Variants in KCND2 observed in about 807,000 individuals in gnomAD.
KCND2 encodes A-type voltage-gated potassium channel KCND2.
In KCND2, 16 loss-of-function variants were observed where a neutral mutation model predicts 54.4. The observed-to-expected ratio is 0.29, with a 90% confidence interval of 0.20 to 0.45. KCND2 has a LOEUF of 0.45. Ranked by LOEUF, KCND2 falls within the 20% of genes least tolerant of loss-of-function variation. KCND2 has a pLI of 1.00. For synonymous variants in KCND2, 317 were observed against 310.7 expected, an observed-to-expected ratio of 1.02 and a Z score of -0.21; for missense variants, 486 against 824.2, an observed-to-expected ratio of 0.59 and a Z score of 5.02.
intron 1 of KCND2, among the ~76,000 whole-genome samples, chr7:120,721,552 G>A (rs1478588221): frequency 6.6e-6 from 1 of 152,104 alleles, no homozygotes; most frequent in African/African-American, 2.4e-5. Context: ...AAACTTTCTA[G>A]GTTAAATTGA....
At chr7:120,719,258 G>A (rs1043069334) in intron 1 of KCND2, among the ~76,000 whole-genome samples, 5 of 152,082 alleles carry the variant, frequency 3.3e-5, no homozygotes, top group Non-Finnish European at 5.9e-5. Flanking sequence ...AATGTTTCAA[G>A]GAATGTACTT....
chr7:120,538,756 T>C (rs752872302), intron 1 of KCND2, among the ~76,000 whole-genome samples: 1 of 152,042 alleles, frequency 6.6e-6, no homozygotes, highest in East Asian at 1.9e-4. Context: ...CCAAACCCCA[T>C]GGGCAGGAGG....
At chr7:120,377,537 G>A (rs770256041) in intron 1 of KCND2, among the ~76,000 whole-genome samples, 1 of 141,104 alleles carries the variant, frequency 7.1e-6, no homozygotes, top group Non-Finnish European at 1.6e-5. Context: ...GTAAATAATT[G>A]TCATTTCTCA....
At chr7:120,481,186 T>G (rs1226858979) in intron 1 of KCND2, among the ~76,000 whole-genome samples, 1 of 152,118 alleles carries the variant, frequency 6.6e-6, no homozygotes, top group African/African-American at 2.4e-5. Flanking sequence ...AGCAAAGCAC[T>G]TGGGTGAATT....
intron 1 of KCND2, among the ~76,000 whole-genome samples, chr7:120,496,280 T>C (rs953344072): frequency 1.3e-5 from 2 of 152,034 alleles, no homozygotes; most frequent in Non-Finnish European, 2.9e-5. Context: ...CTCTATACTC[T>C]TTTTGTGTCT....
chr7:120,540,864 T>G (rs972710405), intron 1 of KCND2, among the ~76,000 whole-genome samples: 1 of 152,212 alleles, frequency 6.6e-6, no homozygotes, highest in African/African-American at 2.4e-5. Context: ...TTTGTTAGTT[T>G]CTGTTATATA....
Position 120,747,804 on chromosome 7 carries a change from G to A in KCND2, c.1839G>A (p.Arg613=). ...PPVTTPEGDD[R]PESPEYSGGN... is the part of the protein sequence containing the mutation. Reference sequence around the variant, plus strand: ...TAACCACACCAGAAGGAGACGATAGGCCAGAATCCCCTGAGTACTCAGGAG... The same window carrying A: ...TAACCACACCAGAAGGAGACGATAGACCAGAATCCCCTGAGTACTCAGGAG... The change falls in exon 6 of 6, where the codon AGG becomes AGA. Residue 613 remains arginine, a synonymous_variant. Coordinates refer to ENST00000331113, the MANE Select transcript of KCND2 (RefSeq NM_012281.3). 3 of 1,612,510 alleles carry A rather than the reference G, an allele frequency of 1.9e-6. No homozygotes were observed. The highest frequency in any genetic ancestry group is 2.7e-5 in the African/African-American group (2 of 74,954).
At chr7:120,741,704 A>G in intron 3 of KCND2, 75 bp downstream of exon 3, 1 of 1,025,264 alleles carries the variant, frequency 9.8e-7, no homozygotes, top group Non-Finnish European at 1.5e-6. Flanking sequence ...CTTTCCTATA[A>G]TTTTATTATG....
rs6948419 is a variant in KCND2 at position 120,311,347 on chromosome 7, A to C, written c.1115+35600A>C. On this transcript the variant is annotated intron_variant, in intron 1 of 5. Coordinates refer to ENST00000331113, the MANE Select transcript of KCND2 (RefSeq NM_012281.3). ...TTTGTTATAAAAATCAGAAAAGAAG[A>C]ATAGAAATAGTTTAAACATTTGCCA... 8.8e-3 allele frequency among the ~76,000 whole-genome samples: 1,347 copies of C among 152,332 alleles called. 17 individuals carry two copies. The highest frequency in any genetic ancestry group is 0.03 in the African/African-American group (1,262 of 41,568).
At chr7:120,580,696 AT>A (rs915434589) in intron 1 of KCND2, among the ~76,000 whole-genome samples, 7 of 152,176 alleles carry the variant, frequency 4.6e-5, no homozygotes, top group Admixed American at 1.3e-4. Flanking sequence ...GTAAGAAACT[AT>A]TTTTTATGCT....
At chr7:120,350,090 C>T (rs1800380906) in intron 1 of KCND2, among the ~76,000 whole-genome samples, 1 of 151,950 alleles carries the variant, frequency 6.6e-6, no homozygotes, top group Admixed American at 6.6e-5. Context: ...AATAATATCA[C>T]TTTGTGAGGT....
chr7:120,715,271 A>G (rs569740878), intron 1 of KCND2, among the ~76,000 whole-genome samples: 23 of 152,170 alleles, frequency 1.5e-4, no homozygotes, highest in African/African-American at 4.8e-4. Context: ...AAAAAAAAAT[A>G]TGATAGTTGT....
chr7:120,660,370 C>T (rs113708709), intron 1 of KCND2, among the ~76,000 whole-genome samples: 174 of 152,284 alleles, frequency 1.1e-3, no homozygotes, highest in African/African-American at 4.0e-3. Flanking sequence ...AGAAAAATGT[C>T]TTTTCTCTAA....
intron 1 of KCND2, among the ~76,000 whole-genome samples, chr7:120,528,703 A>G (rs1200114027): frequency 6.6e-6 from 1 of 152,162 alleles, no homozygotes; most frequent in East Asian, 1.9e-4. Context: ...CTGTGTAACC[A>G]TGGCTACAGT....
intron 1 of KCND2, among the ~76,000 whole-genome samples, chr7:120,354,262 A>G (rs1800463474): frequency 6.6e-6 from 1 of 152,190 alleles, no homozygotes; most frequent in Non-Finnish European, 1.5e-5. Flanking sequence ...GCAACTTTCC[A>G]ATATTCAAGG....
chr7:120,443,925 A>T (rs1210496295), intron 1 of KCND2, among the ~76,000 whole-genome samples: 1 of 152,002 alleles, frequency 6.6e-6, no homozygotes, highest in Non-Finnish European at 1.5e-5. Flanking sequence ...CAACTTCTGA[A>T]ACCCCAAGGT....
chr7:120,596,351 G>A (rs1348311683), intron 1 of KCND2, among the ~76,000 whole-genome samples: 1 of 152,020 alleles, frequency 6.6e-6, no homozygotes, highest in African/African-American at 2.4e-5. Context: ...GAAATATGAG[G>A]GATCAGTTTG....
chr7:120,402,814 C>G (rs1320820577), intron 1 of KCND2, among the ~76,000 whole-genome samples: 4 of 152,188 alleles, frequency 2.6e-5, no homozygotes, highest in Non-Finnish European at 4.4e-5. Flanking sequence ...GATGATTAGA[C>G]CAAGGGAGCT....
chr7:120,561,362 G>A (rs1792230055), intron 1 of KCND2, among the ~76,000 whole-genome samples: 1 of 152,120 alleles, frequency 6.6e-6, no homozygotes. Context: ...AGTGACAGCA[G>A]AGAAGGAGAA....
Sources: gnomAD v4.1 joint callset for allele counts (sites outside exome capture counted in the v4.1 genomes callset) on GRCh38, gnomAD v4.1.1 for gene constraint, MANE v1.5 for transcripts, NCBI Gene and HGNC (gene_info 2026-07-23, HGNC 2026-07-21) for gene names.